PLEKHA5: variants seen among roughly 807,000 people sequenced by gnomAD.
PLEKHA5 encodes the protein pleckstrin homology domain containing A5.
In PLEKHA5, 55 loss-of-function variants were observed where a neutral mutation model predicts 181.9. The observed-to-expected ratio is 0.30, with a 90% confidence interval of 0.24 to 0.38. PLEKHA5 has a LOEUF of 0.38. PLEKHA5 is among the 10% of genes least tolerant of loss of function. PLEKHA5 has a pLI of 1.00. For synonymous variants in PLEKHA5, 535 were observed against 529.4 expected, an observed-to-expected ratio of 1.01 and a Z score of -0.15; for missense variants, 1,432 against 1,549.5, an observed-to-expected ratio of 0.92 and a Z score of 1.27.
intron 3 of PLEKHA5, among the ~76,000 whole-genome samples, chr12:19,138,634 G>A (rs894061804): frequency 1.1e-4 from 16 of 151,922 alleles, no homozygotes; most frequent in African/African-American, 3.9e-4. Flanking sequence ...GGAAGAGGCA[G>A]CCTAGGCTGG....
chr12:19,282,003 C>T (rs542681366), intron 11 of PLEKHA5, among the ~76,000 whole-genome samples: 3 of 152,050 alleles, frequency 2.0e-5, no homozygotes, highest in East Asian at 3.9e-4. Flanking sequence ...AGGATGGTCT[C>T]GATCTCCTGA....
At chr12:19,277,152 T>TG (rs35651986) in intron 11 of PLEKHA5, among the ~76,000 whole-genome samples, 22,442 of 151,992 alleles carry the variant, frequency 0.15, 1,864 homozygotes, top group Middle Eastern at 0.27. Flanking sequence ...GAAGCAGGTC[T>TG]GGGGGGAAAA....
At chr12:19,367,131 G>T (rs115038223) in intron 30 of PLEKHA5, among the ~76,000 whole-genome samples, 2 of 151,398 alleles carry the variant, frequency 1.3e-5, no homozygotes, top group African/African-American at 4.9e-5. Flanking sequence ...AGTGATCAGC[G>T]CGCCTCAACC....
In PLEKHA5 at chr12:19,270,210, G is replaced by A; in HGVS notation, c.845+5G>A. 1 of 1,437,670 alleles carries A rather than the reference G, an allele frequency of 7.0e-7. No individual in the cohort carries two copies. The highest frequency in any genetic ancestry group is 9.3e-7 in the Non-Finnish European group (1 of 1,080,600). 89.1% of individuals were successfully genotyped at this position (1,437,670 alleles called of 1,614,324 possible). A position where few individuals can be genotyped will look rare whatever the true frequency, so the allele number is the denominator to read the frequency against. On this transcript the variant is annotated splice_donor_5th_base_variant and intron_variant, in intron 10 of 31. Coordinates refer to ENST00000429027, the MANE Select transcript of PLEKHA5 (RefSeq NM_001256470.2). ...CAGAATTACCTTTAATTTCCGGTGA[G>A]TACGTTTTTAATTGTTACCTTAAAG...
intron 3 of PLEKHA5, among the ~76,000 whole-genome samples, chr12:19,159,048 A>G (rs1008472877): frequency 6.6e-6 from 1 of 152,184 alleles, no homozygotes; most frequent in African/African-American, 2.4e-5. Context: ...CATTTCAAAT[A>G]TTTCCTAATG....
intron 3 of PLEKHA5, chr12:19,153,594 C>T (rs1276205791): frequency 6.6e-6 from 1 of 152,138 alleles, no homozygotes. Context: ...ATTGTACCTA[C>T]ATTGTCACAT....
At chr12:19,187,960 G>T (rs373457969) in intron 3 of PLEKHA5, among the ~76,000 whole-genome samples, 1 of 152,124 alleles carries the variant, frequency 6.6e-6, no homozygotes, top group African/African-American at 2.4e-5. Flanking sequence ...TCACAGAAAC[G>T]ACTACTTGTT....
intron 15 of PLEKHA5, among the ~76,000 whole-genome samples, chr12:19,314,007 A>T (rs936586789): frequency 6.6e-6 from 1 of 152,300 alleles, no homozygotes; most frequent in African/African-American, 2.4e-5. Flanking sequence ...AATTACCATT[A>T]TAAACAGACC....
chr12:19,272,202 AATTTTCATCTCTAAGCCCATT>A (rs907050861), intron 10 of PLEKHA5, among the ~76,000 whole-genome samples: 1 of 152,186 alleles, frequency 6.6e-6, no homozygotes, highest in Non-Finnish European at 1.5e-5. Context: ...TTCTCTGAAT[AATTTTCATCTCTAAGCCCATT>A]ATTTTCATTT....
chr12:19,170,033 G>T (rs1003201654), intron 3 of PLEKHA5, among the ~76,000 whole-genome samples: 1 of 152,162 alleles, frequency 6.6e-6, no homozygotes, highest in Non-Finnish European at 1.5e-5. Context: ...TGTTAATTAT[G>T]TGTAGTCTAA....
At chr12:19,183,089 A>AC (rs2048982438) in intron 3 of PLEKHA5, among the ~76,000 whole-genome samples, 1 of 152,256 alleles carries the variant, frequency 6.6e-6, no homozygotes, top group Non-Finnish European at 1.5e-5. Context: ...AACATGGTTA[A>AC]CTTAAAGGAG....
At chr12:19,299,718 AAGAGG>A (rs1310609082) in intron 15 of PLEKHA5, among the ~76,000 whole-genome samples, 2 of 152,212 alleles carry the variant, frequency 1.3e-5, no homozygotes, top group Non-Finnish European at 2.9e-5. Flanking sequence ...TGAACACAGT[AAGAGG>A]AGCTTGTAAG....
chr12:19,300,614 A>G (rs1257210364), intron 15 of PLEKHA5, among the ~76,000 whole-genome samples: 1 of 152,186 alleles, frequency 6.6e-6, no homozygotes, highest in Non-Finnish European at 1.5e-5. Context: ...AATGCCCACA[A>G]TGTAGAATTC....
At chr12:19,357,257 T>C (rs2094990755) in intron 26 of PLEKHA5, among the ~76,000 whole-genome samples, 1 of 143,706 alleles carries the variant, frequency 7.0e-6, no homozygotes, top group Non-Finnish European at 1.5e-5. Flanking sequence ...TTATATTCTT[T>C]TTTTTTTTTT....
intron 3 of PLEKHA5, among the ~76,000 whole-genome samples, chr12:19,244,430 T>A (rs1270036596): frequency 1.3e-5 from 2 of 152,244 alleles, no homozygotes; most frequent in Non-Finnish European, 2.9e-5. Flanking sequence ...TTCCATAGTT[T>A]CCACACCTCT....
At chr12:19,348,799 T>C (rs550093496) in intron 25 of PLEKHA5, among the ~76,000 whole-genome samples, 1 of 152,118 alleles carries the variant, frequency 6.6e-6, no homozygotes, top group East Asian at 1.9e-4. Flanking sequence ...AAATAAATGC[T>C]AAAAATAAAA....
chr12:19,328,693 C>T (rs2092531998), intron 20 of PLEKHA5, among the ~76,000 whole-genome samples: 1 of 151,788 alleles, frequency 6.6e-6, no homozygotes, highest in African/African-American at 2.4e-5. Context: ...ATTTTGTGTC[C>T]TGAAACTTTC....
chr12:19,312,116 T>C (rs766030295), intron 15 of PLEKHA5, among the ~76,000 whole-genome samples: 17 of 152,228 alleles, frequency 1.1e-4, no homozygotes, highest in Non-Finnish European at 2.2e-4. Context: ...AATCTTTCTT[T>C]CTGAGCATTA....
At chr12:19,140,851 C>CA (rs1248613512) in intron 3 of PLEKHA5, among the ~76,000 whole-genome samples, 16 of 152,194 alleles carry the variant, frequency 1.1e-4, no homozygotes, top group African/African-American at 3.4e-4. Context: ...TACAGTGACT[C>CA]AGTCTCGGTT....
Sources: allele counts gnomAD v4.1 joint callset (sites outside exome capture counted in the v4.1 genomes callset), GRCh38; gene constraint gnomAD v4.1.1; transcripts MANE v1.5; gene names NCBI Gene and HGNC (gene_info 2026-07-23, HGNC 2026-07-21).